CABIN1: variants seen among roughly 807,000 people sequenced by gnomAD.
The protein encoded by CABIN1 is calcineurin binding protein 1, also known as calcineurin-binding protein cabin-1.
CABIN1 carries 133 observed loss-of-function variants against 227.7 expected under a neutral mutation model. The ratio of observed to expected loss-of-function variants is 0.58; its 90% CI spans 0.51 to 0.67. The LOEUF is 0.67. Ranked by LOEUF, CABIN1 falls within the 30% of genes least tolerant of loss-of-function variation. CABIN1 has a pLI of 0.00. For missense variants in CABIN1, 2,408 were observed against 2,852.5 expected (o/e 0.84, Z 3.55); for synonymous variants, 1,086 against 1,155.1 (o/e 0.94, Z 1.21).
chr22:24,123,369 C>T (rs369754797), intron 28 of CABIN1, among the ~76,000 whole-genome samples: 1 of 152,236 alleles, frequency 6.6e-6, no homozygotes, highest in Non-Finnish European at 1.5e-5. Flanking sequence ...ACCCACAGAT[C>T]TGCTTCCAGG....
At chr22:24,147,586 C>T (rs2045229497) in intron 29 of CABIN1, among the ~76,000 whole-genome samples, 1 of 151,668 alleles carries the variant, frequency 6.6e-6, no homozygotes, top group Non-Finnish European at 1.5e-5. Context: ...GTAGCTGGGG[C>T]TGCAGATGTG....
intron 26 of CABIN1, among the ~76,000 whole-genome samples, chr22:24,101,475 A>T (rs972297898): frequency 1.3e-5 from 2 of 152,082 alleles, no homozygotes; most frequent in African/African-American, 4.8e-5. Context: ...CCCTCAGGTC[A>T]CTCTGACTCT....
intron 8 of CABIN1, 79 bp from the exon 9 acceptor site, chr22:24,054,794 C>T (rs1279179359): frequency 3.8e-6 from 6 of 1,583,670 alleles, no homozygotes; most frequent in Non-Finnish European, 2.6e-6. Context: ...CGCCTCTGTG[C>T]AGGCAGGCCA....
intron 29 of CABIN1, among the ~76,000 whole-genome samples, chr22:24,143,880 G>A (rs2044942018): frequency 6.6e-6 from 1 of 152,184 alleles, no homozygotes; most frequent in Admixed American, 6.5e-5. Flanking sequence ...CAGTGCTTAT[G>A]GCTGTTTTCA....
At chr22:24,156,244 CCAGGCGCAG>C (rs1358406129) in intron 29 of CABIN1, among the ~76,000 whole-genome samples, 6 of 152,102 alleles carry the variant, frequency 3.9e-5, no homozygotes, top group African/African-American at 9.7e-5. Context: ...CCTCGGCGCA[CCAGGCGCAG>C]CAGGAAGCCC....
At chr22:24,079,689 T>C (rs1172231392) in intron 19 of CABIN1, among the ~76,000 whole-genome samples, 1 of 152,198 alleles carries the variant, frequency 6.6e-6, no homozygotes, top group Non-Finnish European at 1.5e-5. Flanking sequence ...GTTTACCCCT[T>C]GGGTTTCCTC....
intron 1 of CABIN1, among the ~76,000 whole-genome samples, chr22:24,024,209 T>C (rs958026885): frequency 1.3e-5 from 2 of 152,158 alleles, no homozygotes; most frequent in African/African-American, 4.8e-5. Flanking sequence ...TTTTTTTTTA[T>C]TATACTTTAA....
At position 24,119,366 on chromosome 22, in the gene CABIN1, G is replaced by T; in HGVS notation, c.4301-1G>T. The T allele has an allele frequency of 6.2e-7, 1 of 1,611,912 alleles. No homozygotes were observed. On this transcript the variant is annotated splice_acceptor_variant, in intron 27 of 36. Transcript: ENST00000263119. LOFTEE classifies it high-confidence loss of function. ...TTTCTTTCCCTTCTTCTCAACTGTA[G>T]GAAAAAACGAGGAGTCATTGGAGAG...
At position 24,178,080 on chromosome 22, in the gene CABIN1, G is replaced by A. The variant is rs2047218857; in HGVS notation, c.6547G>A (p.Ala2183Thr). The A allele has an allele frequency of 6.2e-7, 1 of 1,613,670 alleles. No individual in the cohort carries two copies. Among genetic ancestry groups the A allele is most frequent in the Non-Finnish European group, 8.5e-7 (1 of 1,179,980 alleles). ...KSAILSAQSA[A>T]NVRKESLCQP... ...AGCCATCCTTTCTGCCCAGTCTGCT[G>A]CCAACGTGAGGAAGGAGAGCCTATG... The change falls in exon 37 of 37, where the codon GCC becomes ACC. Residue 2183 changes from alanine to threonine, a missense_variant. This residue lies in a region of CABIN1 where 714 missense variants were observed against 773.8 expected (regional missense o/e 0.92). Transcript: ENST00000263119.
At chr22:24,096,777 T>G (rs1569209345) in intron 25 of CABIN1, among the ~76,000 whole-genome samples, 1 of 152,208 alleles carries the variant, frequency 6.6e-6, no homozygotes, top group Non-Finnish European at 1.5e-5. Flanking sequence ...TGAGACATGC[T>G]CAGGGTCACC....
chr22:24,106,629 G>C (rs533278827), intron 26 of CABIN1, among the ~76,000 whole-genome samples: 28 of 152,268 alleles, frequency 1.8e-4, no homozygotes, highest in Non-Finnish European at 3.1e-4. Context: ...CTTTTCACAT[G>C]CTCTGCGATG....
intron 5 of CABIN1, among the ~76,000 whole-genome samples, chr22:24,041,923 G>A (rs955943483): frequency 2.0e-4 from 31 of 152,170 alleles, no homozygotes; most frequent in African/African-American, 7.2e-4. Flanking sequence ...CAAAGTACAT[G>A]AGTTTTCTTG....
intron 10 of CABIN1, 85 bp from the exon 11 acceptor site, chr22:24,059,142 G>A (rs959039180): frequency 2.2e-5 from 35 of 1,572,210 alleles, no homozygotes; most frequent in Non-Finnish European, 3.1e-5. Context: ...TCCTGACTCA[G>A]ATTTAGTTTC....
At chr22:24,066,079 A>G (rs1375830339) in intron 15 of CABIN1, among the ~76,000 whole-genome samples, 5 of 152,170 alleles carry the variant, frequency 3.3e-5, no homozygotes, top group Non-Finnish European at 7.4e-5. Flanking sequence ...TTTAAATGGT[A>G]TTTTTTAGTC....
chr22:24,152,726 G>A (rs1317005008), intron 29 of CABIN1, among the ~76,000 whole-genome samples: 1 of 152,124 alleles, frequency 6.6e-6, no homozygotes, highest in Non-Finnish European at 1.5e-5. Flanking sequence ...GAGGCAGGTG[G>A]ATCATTTGAG....
chr22:24,145,993 T>C (rs1390974774), intron 29 of CABIN1, among the ~76,000 whole-genome samples: 1 of 152,212 alleles, frequency 6.6e-6, no homozygotes, highest in African/African-American at 2.4e-5. Context: ...TGCCCTTGGC[T>C]GTGACCTAGG....
At position 24,023,737 on chromosome 22, in the gene CABIN1, G is replaced by GTT. The variant is rs201509795; in HGVS notation, c.-74-11694_-74-11693dup. Among the ~76,000 whole-genome samples, 14 of 141,032 alleles carry GTT rather than the reference G, an allele frequency of 9.9e-5. No homozygotes were observed. In the East Asian group the frequency reaches 1.6e-3, roughly 16 times the overall value. The allele number at this position is 141,032 out of a possible 152,430, so 92.5% of individuals were successfully genotyped here. ...AATGTCTTTTGAAAGTCATTTACCT[G>GTT]TTTTTTTTTTTTTTGAGATGGAGAC... On this transcript the variant is annotated intron_variant, in intron 1 of 36. Transcript: ENST00000263119.
At position 24,172,059 on chromosome 22, in the gene CABIN1, G is replaced by T. The variant is rs1245712728; in HGVS notation, c.6040+64G>T. On this transcript the variant is annotated intron_variant, in intron 34 of 36. Coordinates refer to ENST00000263119, the MANE Select transcript of CABIN1 (RefSeq NM_012295.4). ...TGCCACCATCAAGTCCTCCCTGCGG[G>T]GAGAGTGTGAGTATGGGTAAGGGAG... The T allele has an allele frequency of 1.7e-4, 267 of 1,554,240 alleles. 3 individuals carry two copies. The highest frequency in any genetic ancestry group is 2.4e-5 in the East Asian group (1 of 42,208).
intron 29 of CABIN1, among the ~76,000 whole-genome samples, chr22:24,160,610 T>C (rs1602419239): frequency 6.6e-6 from 1 of 152,230 alleles, no homozygotes; most frequent in East Asian, 1.9e-4. Flanking sequence ...TGAAAGGCTG[T>C]GTCTGGCAGA....
Sources: allele counts gnomAD v4.1 joint callset (sites outside exome capture counted in the v4.1 genomes callset), GRCh38; gene constraint gnomAD v4.1.1; regional missense constraint gnomAD v4.1.1; transcripts MANE v1.5; gene names NCBI Gene and HGNC (gene_info 2026-07-23, HGNC 2026-07-21).